LINGO2: variants seen among roughly 807,000 people sequenced by gnomAD.
The protein encoded by LINGO2 is leucine rich repeat and Ig domain containing 2.
Under a neutral mutation model 30.6 loss-of-function variants are expected in LINGO2, and 14 were observed. The ratio of observed to expected loss-of-function variants is 0.46; its 90% confidence interval spans 0.30 to 0.72. LINGO2 has a LOEUF of 0.72. Ranked by LOEUF, LINGO2 falls within the 30% of genes least tolerant of loss-of-function variation. The probability of loss-of-function intolerance (pLI) is 0.07; values close to 1 mark genes in which losing one functional copy is unlikely to be tolerated. For synonymous variants in LINGO2, 317 were observed against 288.5 expected (o/e 1.10, Z -1.00); for missense variants, 729 against 751.7 (o/e 0.97, Z 0.35).
chr9:28,643,317 G>A (rs1005549652), intron 1 of LINGO2, among the ~76,000 whole-genome samples: 1 of 151,896 alleles, frequency 6.6e-6, no homozygotes, highest in Non-Finnish European at 1.5e-5. Flanking sequence ...AACCAAAAAA[G>A]CATGCTACTG....
intron 1 of LINGO2, among the ~76,000 whole-genome samples, chr9:28,632,726 A>C (rs1163041655): frequency 7.2e-6 from 1 of 138,704 alleles, no homozygotes; most frequent in Non-Finnish European, 1.5e-5. Flanking sequence ...AGATCTATAT[A>C]TAGATCTATA....
chr9:29,045,031 G>T, the LINGO2 span, among the ~76,000 whole-genome samples: 1 of 152,058 alleles, frequency 6.6e-6, no homozygotes, highest in Non-Finnish European at 1.5e-5. Flanking sequence ...GATGTCAGAT[G>T]ATAAAATGCC....
chr9:28,065,205 CA>C (rs947327228), intron 4 of LINGO2, among the ~76,000 whole-genome samples: 3 of 148,304 alleles, frequency 2.0e-5, no homozygotes, highest in African/African-American at 2.5e-5. Context: ...AAAAAAAAAA[CA>C]AAAAAAACAC....
intron 1 of LINGO2, among the ~76,000 whole-genome samples, chr9:28,610,184 T>G (rs1825858018): frequency 6.6e-6 from 1 of 152,190 alleles, no homozygotes. Context: ...AGACTATTTT[T>G]GAAGTATTTA....
chr9:28,482,881 T>C (rs987828299), intron 1 of LINGO2, among the ~76,000 whole-genome samples: 2 of 152,002 alleles, frequency 1.3e-5, no homozygotes, highest in South Asian at 2.1e-4. Flanking sequence ...AGACCTAAAA[T>C]CATAAAAACC....
the LINGO2 span, among the ~76,000 whole-genome samples, chr9:29,102,242 C>T: frequency 2.6e-4 from 39 of 152,050 alleles, no homozygotes; most frequent in African/African-American, 9.4e-4. Flanking sequence ...TCACCATGCC[C>T]GGCTAATTTT....
At chr9:28,000,583 A>G (rs897931802) in intron 5 of LINGO2, among the ~76,000 whole-genome samples, 7 of 152,166 alleles carry the variant, frequency 4.6e-5, no homozygotes, top group Admixed American at 2.0e-4. Context: ...CTAGAATACA[A>G]TCTCTGCATT....
the LINGO2 span, among the ~76,000 whole-genome samples, chr9:29,054,897 T>C: frequency 6.6e-6 from 1 of 152,188 alleles, no homozygotes; most frequent in South Asian, 2.1e-4. Flanking sequence ...TATTAAACCA[T>C]GATTTGAACT....
At chr9:28,693,455 T>G in the LINGO2 span, among the ~76,000 whole-genome samples, 1 of 152,078 alleles carries the variant, frequency 6.6e-6, no homozygotes, top group Non-Finnish European at 1.5e-5. Flanking sequence ...AAGAGGCCAT[T>G]ATGTGGTGAT....
the LINGO2 span, among the ~76,000 whole-genome samples, chr9:29,148,837 A>G: frequency 6.6e-6 from 1 of 152,224 alleles, no homozygotes; most frequent in Non-Finnish European, 1.5e-5. Flanking sequence ...CCCCACAGGA[A>G]TAACAAAATA....
intron 4 of LINGO2, among the ~76,000 whole-genome samples, chr9:28,180,385 C>G (rs75919971): frequency 0.017 from 2,588 of 152,246 alleles, 74 homozygotes; most frequent in African/African-American, 0.058. Context: ...TTCCAAGTGT[C>G]TATTTTATAA....
the LINGO2 span, among the ~76,000 whole-genome samples, chr9:28,725,366 C>G: frequency 6.6e-6 from 1 of 151,464 alleles, no homozygotes; most frequent in African/African-American, 2.4e-5. Flanking sequence ...GTAAACTATG[C>G]TGAAAACCAG....
intron 4 of LINGO2, among the ~76,000 whole-genome samples, chr9:28,280,798 C>T (rs563258743): frequency 2.0e-5 from 3 of 152,164 alleles, no homozygotes; most frequent in South Asian, 4.1e-4. Flanking sequence ...AGGCAAGCTT[C>T]GTAAGTGCAA....
At chr9:28,880,140 G>A in the LINGO2 span, among the ~76,000 whole-genome samples, 79 of 152,160 alleles carry the variant, frequency 5.2e-4, no homozygotes, top group African/African-American at 1.8e-3. Flanking sequence ...ACTGAGTCTC[G>A]CTCTGTCGCC....
chr9:28,109,912 A>T (rs778206753), intron 4 of LINGO2, among the ~76,000 whole-genome samples: 1 of 152,220 alleles, frequency 6.6e-6, no homozygotes, highest in Non-Finnish European at 1.5e-5. Flanking sequence ...TTCATATGGA[A>T]CCAAAACAGA....
At chr9:28,703,226 T>A in the LINGO2 span, among the ~76,000 whole-genome samples, 4 of 151,900 alleles carry the variant, frequency 2.6e-5, no homozygotes, top group East Asian at 3.9e-4. Context: ...TGATTTTAGA[T>A]CTTTTTTCTT....
chr9:28,201,421 T>C (rs1032568482), intron 4 of LINGO2, among the ~76,000 whole-genome samples: 19 of 145,020 alleles, frequency 1.3e-4, no homozygotes, highest in Admixed American at 2.1e-4. Context: ...TCATTTTTTA[T>C]GGCTGCATAG....
In LINGO2 at chr9:28,259,872, C is replaced by T. The variant is rs563806920; in HGVS notation, c.-87+35336G>A. On this transcript the variant is annotated intron_variant, in intron 4 of 5. Coordinates refer to ENST00000379992, the Ensembl canonical transcript of LINGO2. The stretch of plus-strand genomic sequence containing the variant: ...TGATTAGAGCAGGATCCTCCCTTTC[C>T]TACTTCCAAAGCCTTGGTCAGTTGA... 1.3e-4 allele frequency among the ~76,000 whole-genome samples: 19 copies of T among 151,984 alleles called. No homozygotes were observed. In the East Asian group the frequency reaches 2.5e-3, roughly 20 times the overall value.
intron 4 of LINGO2, among the ~76,000 whole-genome samples, chr9:28,261,190 T>C (rs1322947613): frequency 6.6e-6 from 1 of 152,006 alleles, no homozygotes; most frequent in Non-Finnish European, 1.5e-5. Flanking sequence ...AATTATGTTT[T>C]ATTAAAATGA....
Sources: allele counts gnomAD v4.1 joint callset (sites outside exome capture counted in the v4.1 genomes callset), GRCh38; gene constraint gnomAD v4.1.1; transcripts MANE v1.5; gene names NCBI Gene and HGNC (gene_info 2026-07-23, HGNC 2026-07-21).